DNHD1: variants seen among roughly 807,000 people sequenced by gnomAD.
DNHD1 encodes the protein dynein heavy chain domain 1.
Under a neutral mutation model 458.1 loss-of-function variants are expected in DNHD1, and 383 were observed. That is an observed-to-expected ratio of 0.84 (90% CI 0.77 to 0.91). The LOEUF (loss-of-function observed/expected upper bound fraction) is 0.91, where lower values mean the gene tolerates loss of function less well. Among genes scored for constraint, DNHD1 ranks in the 40% least tolerant of loss-of-function variants. The pLI, the probability that DNHD1 is intolerant of heterozygous loss-of-function variation, is 0.00. For synonymous variants in DNHD1, 2,203 were observed against 2,376.9 expected (o/e 0.93, Z 2.13); for missense variants, 5,336 against 5,866.1 (o/e 0.91, Z 2.95).
intron 12 of DNHD1, among the ~76,000 whole-genome samples, chr11:6,531,082 CTT>C (rs889603116): frequency 2.0e-5 from 3 of 152,188 alleles, no homozygotes; most frequent in African/African-American, 7.2e-5. Flanking sequence ...TTGCAATACT[CTT>C]AGCATTGAGT....
Position 6,568,729 on chromosome 11 carries a change from G to A in DNHD1, c.12726G>A (p.Leu4242=), listed in dbSNP as rs1276956696. ...WNQSLELGHV[L]IDSVELAQQV... is the part of the protein sequence containing the mutation. ...AGTCCCTGGAGCTGGGCCATGTTTT[G>A]ATTGACAGTGTGGAGCTAGCCCAGC... Residue 4242 remains leucine, a synonymous_variant, in exon 39 of 43, where the codon TTG becomes TTA. Transcript: ENST00000254579. The A allele has an allele frequency of 1.9e-6, 3 of 1,613,798 alleles. No individual in the cohort carries two copies. The highest frequency in any genetic ancestry group is 4.5e-5 in the East Asian group (2 of 44,866).
chr11:6,568,358 A>G (rs1481695681), intron 37 of DNHD1, 96 bp from the exon 38 acceptor site: 9 of 1,578,158 alleles, frequency 5.7e-6, no homozygotes, highest in Middle Eastern at 1.7e-4. Flanking sequence ...TTGGCCTTGT[A>G]TCTGACTCCT....
At chr11:6,516,227 A>ATAT (rs1412817005) in intron 7 of DNHD1, among the ~76,000 whole-genome samples, 1 of 150,604 alleles carries the variant, frequency 6.6e-6, no homozygotes, top group African/African-American at 2.4e-5. Context: ...TTTTAAAATC[A>ATAT]TATTTTAAAC....
At position 6,538,490 on chromosome 11, in the gene DNHD1, A is replaced by G. The variant is rs1384042879; in HGVS notation, c.3106A>G (p.Lys1036Glu). ...RVISENISEW[K>E]CMAFAKFSPA... Reference sequence around the variant, plus strand: ...CATCTCCGAAAACATCAGCGAGTGGAAGTGCATGGCTTTTGCCAAGGTGCT... The same window carrying G: ...CATCTCCGAAAACATCAGCGAGTGGGAGTGCATGGCTTTTGCCAAGGTGCT... Residue 1036 changes from lysine (K) to glutamate (E), a missense_variant, in exon 15 of 43, where the codon AAG (lysine) becomes GAG (glutamate). By Grantham distance (56) the Lys-to-Glu change is moderately conservative. Transcript: ENST00000254579. The G allele has an allele frequency of 1.4e-5, 21 of 1,551,654 alleles. No individual in the cohort carries two copies. The highest frequency in any genetic ancestry group is 1.8e-5 in the Non-Finnish European group (21 of 1,147,014).
intron 7 of DNHD1, among the ~76,000 whole-genome samples, chr11:6,512,259 C>A (rs563286208): frequency 8.7e-6 from 1 of 114,388 alleles, no homozygotes; most frequent in Admixed American, 1.1e-4. Flanking sequence ...CTCGCTCTGT[C>A]ACCCAGGCTG....
Position 6,498,063 on chromosome 11 carries a change from C to A in DNHD1, c.-153C>A. On this transcript the variant is annotated 5_prime_UTR_variant, in exon 3 of 43. Transcript: ENST00000254579. ...TCCTCCTAACCCCATTGACTCTGACCATCCCCTGCCCAGAGCCTGAGGTCC... is the reference window on the plus strand; with the variant it reads ...TCCTCCTAACCCCATTGACTCTGACAATCCCCTGCCCAGAGCCTGAGGTCC... 9.6e-7 allele frequency: 1 copy of A among 1,043,846 alleles called. No individual in the cohort carries two copies. Among genetic ancestry groups the A allele is most frequent in the South Asian group, 1.5e-5 (1 of 64,726 alleles). 64.7% of individuals were successfully genotyped at this position (1,043,846 alleles called of 1,614,324 possible).
At position 6,544,888 on chromosome 11, in the gene DNHD1, G is replaced by A. The variant is rs372858062; in HGVS notation, c.3949G>A (p.Glu1317Lys). The A allele has an allele frequency of 3.4e-5, 52 of 1,551,522 alleles. No individual in the cohort carries two copies. The highest frequency in any genetic ancestry group is 1.5e-4 in the South Asian group (13 of 84,060). Residue 1317 changes from glutamate to lysine, a missense_variant, in exon 21 of 43, where the codon GAG (glutamate) becomes AAG (lysine). This residue lies in a region of DNHD1 where 3,932 missense variants were observed against 4,365.6 expected (regional missense o/e 0.90). Transcript: ENST00000254579. ...MVLSLVVPSA[E>K]RSPYFQGQQL... ...TCTGTCACTTGTAGTGCCCAGTGCC[G>A]AGAGGAGCCCTTACTTCCAAGGCCA...
chr11:6,528,266 G>C (rs559124171), intron 10 of DNHD1, among the ~76,000 whole-genome samples: 3 of 152,150 alleles, frequency 2.0e-5, no homozygotes, highest in Non-Finnish European at 4.4e-5. Flanking sequence ...TCTGTAATAA[G>C]TCCCTCCCTG....
At chr11:6,566,045 G>C (rs1564823598) in intron 33 of DNHD1, 54 bp downstream of exon 33, 2 of 1,444,008 alleles carry the variant, frequency 1.4e-6, no homozygotes, top group Non-Finnish European at 1.9e-6. Flanking sequence ...CCCATTCTGT[G>C]ACCCCACAGG....
intron 30 of DNHD1, 39 bp from the exon 31 acceptor site, chr11:6,563,654 T>C (rs2134454577): frequency 6.5e-7 from 1 of 1,543,450 alleles, no homozygotes; most frequent in Non-Finnish European, 8.7e-7. Flanking sequence ...GTCCAGAGCA[T>C]CCGTGGCTTC....
At chr11:6,527,379 A>G (rs1001701470) in intron 10 of DNHD1, among the ~76,000 whole-genome samples, 3 of 152,162 alleles carry the variant, frequency 2.0e-5, no homozygotes, top group Admixed American at 2.0e-4. Context: ...TTCTGGATAT[A>G]TTTTTAAAGT....
chr11:6,503,246 A>T, intron 4 of DNHD1: 1 of 237,920 alleles, frequency 4.2e-6, no homozygotes, highest in Non-Finnish European at 8.1e-6. Flanking sequence ...TTTTATGGTG[A>T]TCTATTCCAA....
At position 6,563,823 on chromosome 11, in the gene DNHD1, C is replaced by T. The variant is rs1277461631; in HGVS notation, c.9983C>T (p.Ala3328Val). ...AVSRPAASLA[A>V]WLWAVLHYGL... ...AGCCGACCTGCAGCCAGCCTGGCAGCCTGGCTCTGGGCTGTTCTGCACTAT... is the reference window on the plus strand; with the variant it reads ...AGCCGACCTGCAGCCAGCCTGGCAGTCTGGCTCTGGGCTGTTCTGCACTAT... Residue 3328 changes from alanine (A) to valine (V), a missense_variant, in exon 31 of 43, where the codon GCC becomes GTC. Ala to Val is a moderately conservative substitution (Grantham distance 64). Around this residue, in one of 4 missense-constraint regions of DNHD1, gnomAD observed 3,932 missense variants for 4,365.6 expected, o/e 0.90. Transcript: ENST00000254579. The T allele has an allele frequency of 6.4e-7, 1 of 1,551,692 alleles. No individual in the cohort carries two copies. Among genetic ancestry groups the T allele is most frequent in the Non-Finnish European group, 8.7e-7 (1 of 1,147,006 alleles).
chr11:6,515,799 T>C, intron 7 of DNHD1, among the ~76,000 whole-genome samples: 1 of 147,336 alleles, frequency 6.8e-6, no homozygotes, highest in East Asian at 1.9e-4. Flanking sequence ...TTTTTTTTTT[T>C]TTTGAGTCAG....
In DNHD1 at chr11:6,557,704, G is replaced by C. The variant is rs1218480492; in HGVS notation, c.8409G>C (p.Leu2803Phe). Residue 2803 changes from leucine to phenylalanine, a missense_variant, in exon 25 of 43, where the codon TTG (leucine) becomes TTC (phenylalanine). By Grantham distance (22) the Leu-to-Phe change is conservative. Coordinates refer to ENST00000254579, the MANE Select transcript of DNHD1 (RefSeq NM_144666.3). Reference protein sequence around the residue: ...KKPQMDLISPLLLPVLLLHPQ... With the variant: ...KKPQMDLISPFLLPVLLLHPQ... ...CCCAGATGGACCTGATCTCACCCTT[G>C]TTGTTACCAGTGTTACTACTACATC... The C allele has an allele frequency of 1.3e-6, 2 of 1,551,600 alleles. No individual in the cohort carries two copies. Among genetic ancestry groups the C allele is most frequent in the African/African-American group, 1.4e-5 (1 of 73,038 alleles).
Position 6,519,815 on chromosome 11 carries a change from G to A in DNHD1, c.1608G>A (p.Leu536=), listed in dbSNP as rs769037931. 5 of 1,612,752 alleles carry A rather than the reference G, an allele frequency of 3.1e-6. No individual in the cohort carries two copies. The Admixed American group carries it at 6.7e-5, about 22-fold the overall frequency. ...TTTGTCAGAGCCTCATTTCTGTCTT[G>A]GAAGAGCAGATAACCTCTTTTGTGG... ...YMICQSLISV[L]EEQITSFVAN... The change falls in exon 8 of 43, where the codon TTG becomes TTA. Residue 536 remains leucine, a synonymous_variant. Transcript: ENST00000254579.
Position 6,528,404 on chromosome 11 carries a change from G to GGTGTGTGT in DNHD1, c.1838-93_1838-86dup, listed in dbSNP as rs55919773. The GGTGTGTGT allele has an allele frequency of 3.5e-3, 3,110 of 880,836 alleles. 5 individuals are homozygous for GGTGTGTGT. Among genetic ancestry groups the GGTGTGTGT allele is most frequent in the South Asian group, 0.017 (913 of 52,836 alleles). The allele number at this position is 880,836 out of a possible 1,614,324, so 54.6% of individuals were successfully genotyped here. On this transcript the variant is annotated intron_variant, in intron 10 of 42. Coordinates refer to ENST00000254579, the MANE Select transcript of DNHD1 (RefSeq NM_144666.3). The stretch of plus-strand genomic sequence containing the variant: ...TTAACTCACTCATGAGCAGCGAATG[G>GGTGTGTGT]GTGTGTGTGTGTGTGTGTGTGTGTG...
Position 6,533,038 on chromosome 11 carries a change from A to T in DNHD1, c.2359A>T (p.Asn787Tyr). The change falls in exon 13 of 43, where the codon AAC becomes TAC. Residue 787 changes from asparagine to tyrosine, a missense_variant. Asn to Tyr is a moderately radical substitution (Grantham distance 143, BLOSUM62 -2). Coordinates refer to ENST00000254579, the MANE Select transcript of DNHD1 (RefSeq NM_144666.3). ...TCTCCTGTCTCCAGAATCCAAGCTG[A>T]ACAGCATAAGGAAGGACATTCTTGC... ...DVQAEMESKL[N>Y]SIRKDILAHV... is the part of the protein sequence containing the mutation. 6.4e-7 allele frequency: 1 copy of T among 1,551,664 alleles called. No homozygotes were observed. The highest frequency in any genetic ancestry group is 8.7e-7 in the Non-Finnish European group (1 of 1,147,000).
intron 14 of DNHD1, 71 bp from the exon 15 acceptor site, chr11:6,538,312 G>A (rs1853008614): frequency 6.9e-7 from 1 of 1,453,396 alleles, no homozygotes; most frequent in Non-Finnish European, 9.4e-7. Flanking sequence ...ATGGGCTCTT[G>A]ACTGATCATT....
Sources: allele counts gnomAD v4.1 joint callset (sites outside exome capture counted in the v4.1 genomes callset), GRCh38; gene constraint gnomAD v4.1.1; regional missense constraint gnomAD v4.1.1; transcripts MANE v1.5; gene names NCBI Gene and HGNC (gene_info 2026-07-23, HGNC 2026-07-21).